PDE1C: variants seen among roughly 807,000 people sequenced by gnomAD.
The protein encoded by PDE1C is dual specificity calcium/calmodulin-dependent 3',5'-cyclic nucleotide phosphodiesterase 1C.
In PDE1C, 62 loss-of-function variants were observed where a neutral mutation model predicts 93.1. That is an observed-to-expected ratio of 0.67 (90% CI 0.54 to 0.82). The LOEUF (loss-of-function observed/expected upper bound fraction) is 0.82. Among genes scored for constraint, PDE1C ranks in the 40% least tolerant of loss-of-function variants. PDE1C has a pLI of 0.00. For synonymous variants in PDE1C, 325 were observed against 310.1 expected (o/e 1.05, Z -0.50); for missense variants, 742 against 884.6 (o/e 0.84, Z 2.04).
intron 1 of PDE1C, 49 bp from the exon 2 acceptor site, chr7:32,051,629 G>T: frequency 1.9e-6 from 3 of 1,555,890 alleles, no homozygotes; most frequent in Non-Finnish European, 2.7e-6. Context: ...GTGGCAGGCA[G>T]TGGGTAAGAA....
the PDE1C span, among the ~76,000 whole-genome samples, chr7:31,683,150 T>C: frequency 6.6e-6 from 1 of 152,170 alleles, no homozygotes; most frequent in Non-Finnish European, 1.5e-5. Flanking sequence ...AATCTGAAGA[T>C]AGGTGGATTG....
At chr7:31,626,636 C>T in the PDE1C span, among the ~76,000 whole-genome samples, 10 of 152,136 alleles carry the variant, frequency 6.6e-5, no homozygotes, top group Admixed American at 1.3e-4. Flanking sequence ...TTTGACATGT[C>T]GGTGACACCA....
chr7:31,771,170 G>T (rs979217180), intron 17 of PDE1C, among the ~76,000 whole-genome samples: 2 of 152,170 alleles, frequency 1.3e-5, no homozygotes, highest in African/African-American at 4.8e-5. Flanking sequence ...TCTTCTAGAA[G>T]AAATTCATGT....
chr7:31,843,100 C>T (rs1340620921), intron 9 of PDE1C, among the ~76,000 whole-genome samples: 1 of 151,854 alleles, frequency 6.6e-6, no homozygotes, highest in African/African-American at 2.4e-5. Flanking sequence ...ACTCTTTAAG[C>T]TTATGATATT....
chr7:32,309,972 T>C (rs139131100), intron 1 of PDE1C, among the ~76,000 whole-genome samples: 18,048 of 152,092 alleles, frequency 0.12, 1,174 homozygotes, highest in East Asian at 0.18. Flanking sequence ...GATAAAGAGT[T>C]AAGACCCATC....
At chr7:31,887,909 TA>T in intron 2 of PDE1C, among the ~76,000 whole-genome samples, 1 of 152,306 alleles carries the variant, frequency 6.6e-6, no homozygotes, top group Middle Eastern at 3.4e-3. Context: ...AACAATAACA[TA>T]CAGCCTTGTA....
the PDE1C span, among the ~76,000 whole-genome samples, chr7:31,620,000 G>C: frequency 6.6e-6 from 1 of 152,192 alleles, no homozygotes; most frequent in Non-Finnish European, 1.5e-5. Flanking sequence ...GAGTCTCGCT[G>C]ATTGCTAGCA....
intron 7 of PDE1C, among the ~76,000 whole-genome samples, chr7:31,860,159 T>C (rs755721969): frequency 5.9e-5 from 9 of 152,184 alleles, no homozygotes; most frequent in Admixed American, 1.3e-4. Flanking sequence ...TATGAGAACA[T>C]AATTTCTTCT....
chr7:32,377,920 G>T (rs566432942), intron 1 of PDE1C, among the ~76,000 whole-genome samples: 1 of 152,252 alleles, frequency 6.6e-6, no homozygotes, highest in South Asian at 2.1e-4. Context: ...CCATGGACTG[G>T]GATTGTGATT....
intron 2 of PDE1C, among the ~76,000 whole-genome samples, chr7:31,916,369 T>TG: frequency 6.6e-6 from 1 of 152,246 alleles, no homozygotes; most frequent in East Asian, 1.9e-4. Context: ...AAAAGATATC[T>TG]GGAAATATCA....
intron 3 of PDE1C, among the ~76,000 whole-genome samples, chr7:32,147,236 TAAAAAAGAAAGAA>T (rs1800898072): frequency 3.0e-5 from 2 of 67,016 alleles, no homozygotes; most frequent in Non-Finnish European, 6.2e-5. Flanking sequence ...ATTTGGTAAA[TAAAAAAGAAAGAA>T]AGAAAAGAAA....
chr7:32,419,955 TGGCTC>T (rs2128099430), intron 1 of PDE1C, among the ~76,000 whole-genome samples: 1 of 150,248 alleles, frequency 6.7e-6, no homozygotes, highest in African/African-American at 2.5e-5. Flanking sequence ...CTGGGCATGG[TGGCTC>T]ACACCTGTAA....
chr7:31,919,101 C>A (rs1314422395), intron 2 of PDE1C, among the ~76,000 whole-genome samples: 1 of 152,186 alleles, frequency 6.6e-6, no homozygotes, highest in Admixed American at 6.5e-5. Context: ...CAATTGTTTA[C>A]TAACTTGTCA....
At chr7:31,622,813 C>T in the PDE1C span, among the ~76,000 whole-genome samples, 2 of 152,046 alleles carry the variant, frequency 1.3e-5, no homozygotes, top group Non-Finnish European at 2.9e-5. Flanking sequence ...ATTAATGAAT[C>T]CAGGAGCTGG....
intron 2 of PDE1C, among the ~76,000 whole-genome samples, chr7:31,961,139 A>C (rs1371133976): frequency 1.3e-5 from 2 of 152,180 alleles, no homozygotes; most frequent in African/African-American, 4.8e-5. Flanking sequence ...CAATTAATCT[A>C]GCTTAGTTTA....
chr7:32,181,798 T>A (rs957674532), intron 2 of PDE1C, among the ~76,000 whole-genome samples: 5 of 151,860 alleles, frequency 3.3e-5, no homozygotes, highest in African/African-American at 4.8e-5. Flanking sequence ...ATAACTAAGA[T>A]CAGAGCAGAA....
At chr7:31,662,488 T>C in the PDE1C span, among the ~76,000 whole-genome samples, 1 of 152,270 alleles carries the variant, frequency 6.6e-6, no homozygotes, top group East Asian at 1.9e-4. Flanking sequence ...AATAAGATTT[T>C]GGAACCTGGG....
intron 1 of PDE1C, among the ~76,000 whole-genome samples, chr7:32,363,669 A>G (rs1239793838): frequency 2.0e-5 from 3 of 152,236 alleles, no homozygotes; most frequent in Non-Finnish European, 4.4e-5. Context: ...TTAAATGAGT[A>G]CTTCTAAAGT....
At chr7:32,380,174 C>A (rs1784506367) in intron 1 of PDE1C, among the ~76,000 whole-genome samples, 1 of 152,060 alleles carries the variant, frequency 6.6e-6, no homozygotes, top group African/African-American at 2.4e-5. Context: ...TATAGTAAAA[C>A]TCCTCAAAGT....
Sources: allele counts gnomAD v4.1 joint callset (sites outside exome capture counted in the v4.1 genomes callset), GRCh38; gene constraint gnomAD v4.1.1; transcripts MANE v1.5; gene names NCBI Gene and HGNC (gene_info 2026-07-23, HGNC 2026-07-21).